CRADD: variants seen among roughly 807,000 people sequenced by gnomAD.
CRADD encodes the protein death domain-containing protein CRADD.
Under a neutral mutation model 15.5 loss-of-function variants are expected in CRADD, and 9 were observed. That is an observed-to-expected ratio of 0.58 (90% CI 0.35 to 1.01). CRADD has a LOEUF of 1.01. Ranked by LOEUF, CRADD falls within the 50% of genes least tolerant of loss-of-function variation. The pLI is 0.02. For synonymous variants in CRADD, 118 were observed against 107.6 expected (o/e 1.10, Z -0.60); for missense variants, 227 against 250.3 (o/e 0.91, Z 0.63).
rs139799052 is a variant in CRADD, at chr12:93,697,248, G to A, written c.298+18176G>A. On this transcript the variant is annotated intron_variant, in intron 2 of 2. Coordinates refer to ENST00000332896, the MANE Select transcript of CRADD (RefSeq NM_003805.5). ...AGGGGTGAAGTAATTAAGTCATAGG[G>A]GCTTTACCCTCATGAATAGATTAGT... is the stretch of plus-strand genomic sequence containing the variant. Among the ~76,000 whole-genome samples the A allele has an allele frequency of 1.5e-3, 227 of 152,284 alleles. 1 individual carries two copies. The highest frequency in any genetic ancestry group is 4.9e-3 in the African/African-American group (204 of 41,554).
At chr12:93,769,687 C>G (rs11107176) in intron 2 of CRADD, among the ~76,000 whole-genome samples, 56,310 of 152,010 alleles carry the variant, frequency 0.37, 11,661 homozygotes, top group East Asian at 0.6. Flanking sequence ...TTTATCCAAA[C>G]TGGTAGGCTT....
intron 2 of CRADD, among the ~76,000 whole-genome samples, chr12:93,771,843 G>C (rs1957088693): frequency 6.6e-6 from 1 of 152,132 alleles, no homozygotes; most frequent in African/African-American, 2.4e-5. Context: ...TTCTCTCTGA[G>C]TCTTAATATC....
At chr12:93,795,367 C>A (rs1957402701) in intron 2 of CRADD, among the ~76,000 whole-genome samples, 1 of 152,208 alleles carries the variant, frequency 6.6e-6, no homozygotes, top group Non-Finnish European at 1.5e-5. Flanking sequence ...ACTTGTTCAA[C>A]ATTCTTAAAT....
chr12:93,819,125 A>G (rs1182856860), intron 2 of CRADD, among the ~76,000 whole-genome samples: 1 of 152,260 alleles, frequency 6.6e-6, no homozygotes, highest in Non-Finnish European at 1.5e-5. Context: ...CAGGCCTATT[A>G]TCCCTACTTG....
intron 2 of CRADD, among the ~76,000 whole-genome samples, chr12:93,834,884 T>C (rs1040262977): frequency 6.6e-6 from 1 of 152,242 alleles, no homozygotes; most frequent in Non-Finnish European, 1.5e-5. Context: ...ATCAAGGGGC[T>C]TAGTGGAGAC....
intron 2 of CRADD, among the ~76,000 whole-genome samples, chr12:93,718,884 C>T (rs1592924035): frequency 6.6e-6 from 1 of 151,990 alleles, no homozygotes; most frequent in African/African-American, 2.4e-5. Flanking sequence ...TTCAGTCTTC[C>T]AAGTAGCTTG....
At chr12:93,749,301 G>C (rs185915293) in intron 2 of CRADD, among the ~76,000 whole-genome samples, 104 of 152,320 alleles carry the variant, frequency 6.8e-4, no homozygotes, top group Non-Finnish European at 1.1e-3. Flanking sequence ...TCTGGGACCT[G>C]CCAGAAAGTC....
chr12:93,841,819 C>G (rs1005365848), intron 2 of CRADD, among the ~76,000 whole-genome samples: 5 of 152,146 alleles, frequency 3.3e-5, no homozygotes, highest in Admixed American at 2.0e-4. Flanking sequence ...ACGGGACAGT[C>G]TCTTCGCTCA....
intron 2 of CRADD, among the ~76,000 whole-genome samples, chr12:93,887,383 A>G (rs1958545063): frequency 1.3e-5 from 2 of 152,194 alleles, no homozygotes; most frequent in South Asian, 2.1e-4. Context: ...TAACGAGTGG[A>G]GGGTAAGGAA....
At chr12:93,844,367 A>T (rs1352604645) in intron 2 of CRADD, among the ~76,000 whole-genome samples, 1 of 152,158 alleles carries the variant, frequency 6.6e-6, no homozygotes, top group East Asian at 1.9e-4. Context: ...TCTCATGAGG[A>T]TACTGTCCCT....
chr12:93,819,083 T>C (rs560847677), intron 2 of CRADD, among the ~76,000 whole-genome samples: 3 of 152,390 alleles, frequency 2.0e-5, no homozygotes, highest in Admixed American at 2.0e-4. Flanking sequence ...GATAAAAGTA[T>C]ATTCCCAGCT....
At chr12:93,779,624 C>G (rs1241465285) in intron 2 of CRADD, among the ~76,000 whole-genome samples, 2 of 146,718 alleles carry the variant, frequency 1.4e-5, no homozygotes, top group Non-Finnish European at 3.0e-5. Context: ...GAGTCTCACT[C>G]TGTCACCCAG....
At chr12:93,779,707 A>T (rs572683072) in intron 2 of CRADD, among the ~76,000 whole-genome samples, 1 of 150,714 alleles carries the variant, frequency 6.6e-6, no homozygotes, top group South Asian at 2.1e-4. Context: ...CTCCTGGCTT[A>T]GCCTCTGGAG....
chr12:93,778,013 C>G (rs1451515323), intron 2 of CRADD, among the ~76,000 whole-genome samples: 1 of 152,204 alleles, frequency 6.6e-6, no homozygotes. Context: ...TGGGTGGCTA[C>G]TGCTTGTTTA....
chr12:93,709,235 A>G (rs951250788), intron 2 of CRADD, among the ~76,000 whole-genome samples: 2 of 152,252 alleles, frequency 1.3e-5, no homozygotes, highest in Non-Finnish European at 2.9e-5. Flanking sequence ...GGGCTTGCAC[A>G]GGAAGTGATT....
At chr12:93,707,242 T>C (rs554547433) in intron 2 of CRADD, among the ~76,000 whole-genome samples, 29 of 152,302 alleles carry the variant, frequency 1.9e-4, no homozygotes, top group Admixed American at 4.6e-4. Context: ...TAATTCTGTT[T>C]CTGTTTTTTG....
Position 93,824,833 on chromosome 12 carries a change from T to G in CRADD, c.299-25137T>G, listed in dbSNP as rs1957806762. ...CCCAGCAGGAGGTAAAAGCTGCCCC[T>G]GGACAGAGTGAAGCATGCAGAGGGA... On this transcript the variant is annotated intron_variant, in intron 2 of 2. Coordinates refer to ENST00000332896, the MANE Select transcript of CRADD (RefSeq NM_003805.5). This position sits in a 1 kb window ranked among gnomAD's most constrained non-coding sequence, Gnocchi z 4.3. Among the ~76,000 whole-genome samples, 1 of 152,208 alleles carries G rather than the reference T, an allele frequency of 6.6e-6. No homozygotes were observed.
At chr12:93,794,506 C>T (rs564444557) in intron 2 of CRADD, among the ~76,000 whole-genome samples, 1 of 152,260 alleles carries the variant, frequency 6.6e-6, no homozygotes, top group East Asian at 1.9e-4. Context: ...ATCCCACATC[C>T]AGCCTATCAC....
rs555095661 is a variant in CRADD at position 93,823,415 on chromosome 12, T to C, written c.299-26555T>C. Among the ~76,000 whole-genome samples the C allele has an allele frequency of 2.0e-5, 3 of 152,314 alleles. 1 individual carries two copies. Among genetic ancestry groups the C allele is most frequent in the African/African-American group, 4.8e-5 (2 of 41,576 alleles). On this transcript the variant is annotated intron_variant, in intron 2 of 2. Transcript: ENST00000332896. ...ATGAATACACCAAAAGAGTGATTAA[T>C]GGATTAATAAGTTAGCTCCATCCCC...
Sources: gnomAD v4.1 joint callset for allele counts (sites outside exome capture counted in the v4.1 genomes callset) on GRCh38, gnomAD v4.1.1 for gene constraint, Gnocchi (gnomAD v3.1) non-coding constraint, MANE v1.5 for transcripts, NCBI Gene and HGNC (gene_info 2026-07-23, HGNC 2026-07-21) for gene names.